KMT2D: variants seen among roughly 807,000 people sequenced by gnomAD.
KMT2D encodes the protein lysine methyltransferase 2D.
A neutral mutation model predicts 512.7 loss-of-function variants in KMT2D; 55 were observed. The ratio of observed to expected loss-of-function variants is 0.11; its 90% CI spans 0.09 to 0.13. The LOEUF (loss-of-function observed/expected upper bound fraction) is 0.13. KMT2D is among the 10% of genes least tolerant of loss of function. The pLI is 1.00. For synonymous variants in KMT2D, 2,995 were observed against 2,904.0 expected (o/e 1.03, Z -1.01); for missense variants, 6,061 against 7,127.9 (o/e 0.85, Z 5.39).
rs833817 is a variant in KMT2D at position 49,027,396 on chromosome 12, G to C, written c.14644-74C>G. ...GCTCCCTCCTTCCCCTCACCCATAT[G>C]CCACCCTCCCAAAAGGCCTCCACAT... On this transcript the variant is annotated intron_variant, in intron 48 of 54. Transcript: ENST00000301067. 1,237,710 of 1,243,416 alleles carry C rather than the reference G, an allele frequency of 1. 616,188 individuals carry two copies. Among genetic ancestry groups the C allele is most frequent in the East Asian group, 1 (40,652 of 40,652 alleles). The allele number at this position is 1,243,416 out of a possible 1,614,324, so 77.0% of individuals were successfully genotyped here.
rs2120714615 is a variant in KMT2D, at chr12:49,054,797, C to T, written c.177-46G>A. ...GTACCACGCCAGGCCCCCAGCAACC[C>T]CATGATCTGGCATGCCCATGCTTCC... On this transcript the variant is annotated intron_variant, in intron 3 of 54. Coordinates refer to ENST00000301067, the MANE Select transcript of KMT2D (RefSeq NM_003482.4). This position sits in a 1 kb window ranked among gnomAD's most constrained non-coding sequence, Gnocchi z 6.4. The T allele has an allele frequency of 6.2e-7, 1 of 1,606,614 alleles. No homozygotes were observed.
At chr12:49,047,865 C>T (rs1012646667) in intron 15 of KMT2D, 100 bp downstream of exon 15, 4 of 807,154 alleles carry the variant, frequency 5.0e-6, no homozygotes, top group Non-Finnish European at 8.5e-6. Flanking sequence ...CAACCATGAC[C>T]GATGGCCGCT....
Position 49,051,020 on chromosome 12 carries a change from T to A in KMT2D, c.2663A>T (p.Glu888Val). 1.9e-6 allele frequency: 3 copies of A among 1,563,026 alleles called. No individual in the cohort carries two copies. In the East Asian group the frequency reaches 6.8e-5, roughly 35 times the overall value. Residue 888 changes from glutamate to valine, a missense_variant, in exon 11 of 55, where the codon GAA (glutamate) becomes GTA (valine). Around this residue, in one of 16 missense-constraint regions of KMT2D, gnomAD observed 848 missense variants for 838.5 expected, o/e 1.01. Transcript: ENST00000301067. ...EELPLFPPPG[E>V]PSLSPLLGEP... ...TCCAAGCAAGGGAGATAAGGATGGT[T>A]CCCCAGGGGGAGGGAACAAGGGCAG...
Position 49,051,341 on chromosome 12 carries a change from G to T in KMT2D, c.2342C>A (p.Ala781Asp), listed in dbSNP as rs1309638971. Residue 781 changes from alanine to aspartate, a missense_variant, in exon 11 of 55, where the codon GCT (alanine) becomes GAT (aspartate). Ala to Asp is a moderately radical substitution (Grantham distance 126). Around this residue, in one of 16 missense-constraint regions of KMT2D, gnomAD observed 848 missense variants for 838.5 expected, o/e 1.01. Transcript: ENST00000301067. ...GGACAAGTGTGGCTCCTCAGGCACAGCGCATAGGCATGGCTCCTCAGGCTG... is the reference window on the plus strand; with the variant it reads ...GGACAAGTGTGGCTCCTCAGGCACATCGCATAGGCATGGCTCCTCAGGCTG... ...SPQPEEPCLC[A>D]VPEEPHLSPQ... 6.2e-7 allele frequency: 1 copy of T among 1,605,832 alleles called. No individual in the cohort carries two copies. Among genetic ancestry groups the T allele is most frequent in the Non-Finnish European group, 8.5e-7 (1 of 1,174,842 alleles).
intron 38 of KMT2D, 24 bp from the exon 39 acceptor site, chr12:49,034,323 G>C (rs775549467): frequency 8.1e-6 from 13 of 1,610,954 alleles, no homozygotes; most frequent in Non-Finnish European, 1.1e-5. Flanking sequence ...CTGGGTGTCA[G>C]GACCTGCAAA....
In KMT2D at chr12:49,033,305, G is replaced by A. The variant is rs1943048098; in HGVS notation, c.11400C>T (p.Gly3800=). The A allele has an allele frequency of 5.7e-6, 9 of 1,589,956 alleles. No individual in the cohort carries two copies. In the East Asian group the frequency reaches 1.6e-4, roughly 28 times the overall value. ...CAGCCACCTGGGCAGGGCCCAGCATGCCCTGGGGCCCCTGGGGTGGTTGAG... is the reference window on the plus strand; with the variant it reads ...CAGCCACCTGGGCAGGGCCCAGCATACCCTGGGGCCCCTGGGGTGGTTGAG... ...LSPQPPQGPQ[G]MLGPAQVAVL... is the part of the protein sequence containing the mutation. The change falls in exon 40 of 55, where the codon GGC becomes GGT. Residue 3800 remains glycine, a synonymous_variant. Transcript: ENST00000301067.
chr12:49,049,888 C>G lies in KMT2D; in HGVS notation c.3700G>C (p.Gly1234Arg), dbSNP rs773320492. The G allele has an allele frequency of 9.9e-6, 16 of 1,613,932 alleles. No individual in the cohort carries two copies. The East Asian group carries it at 1.1e-4, about 11-fold the overall frequency. The change falls in exon 12 of 55, where the codon GGG (glycine) becomes CGG (arginine). Residue 1234 changes from glycine (G) to arginine (R), a missense_variant. This residue lies in a region of KMT2D where 447 missense variants were observed against 500.1 expected (regional missense o/e 0.89). Coordinates refer to ENST00000301067, the MANE Select transcript of KMT2D (RefSeq NM_003482.4). The part of the protein sequence containing the change: ...EPLLGSPDPE[G>R]GGSLSMELGV... ...AACTCCATGGACAGGGAGCCACCCC[C>G]CTCCGGGTCTGGAGAGCCCAGGAGG... is the stretch of plus-strand genomic sequence containing the variant.
rs961644561 is a variant in KMT2D at position 49,044,124 on chromosome 12, A to G, written c.5188+76T>C. ...GTCTACCACCCTCTTGGCCCTTTCA[A>G]TGAGTCCACCCCCTGGGTCTCTCTA... On this transcript the variant is annotated intron_variant, in intron 22 of 54. Transcript: ENST00000301067. This position sits in a 1 kb window ranked among gnomAD's most constrained non-coding sequence, Gnocchi z 6.4. 5.0e-6 allele frequency: 8 copies of G among 1,585,386 alleles called. No homozygotes were observed. The East Asian group carries it at 1.3e-4, about 27-fold the overall frequency.
chr12:49,058,119 C>T (rs1938519653), intron 1 of KMT2D, among the ~76,000 whole-genome samples: 1 of 152,204 alleles, frequency 6.6e-6, no homozygotes, highest in African/African-American at 2.4e-5. Context: ...TGGACTCAAA[C>T]CACACCTCTT....
chr12:49,053,783 A>G, intron 6 of KMT2D, 142 bp from the exon 7 acceptor site: 1 of 1,142,146 alleles, frequency 8.8e-7, no homozygotes, highest in Non-Finnish European at 1.2e-6. Context: ...TCTGCCAGCT[A>G]CTGTTCTAGG....
Position 49,024,528 on chromosome 12 carries a change from CCT to C in KMT2D, c.16052+48_16052+49del, listed in dbSNP as rs1410294010. ...ATCCTCATAATGGGACCAGAGGATC[CCT>C]GTCAACACCCACACCCACATCCCTT... On this transcript the variant is annotated intron_variant, in intron 51 of 54. Coordinates refer to ENST00000301067, the MANE Select transcript of KMT2D (RefSeq NM_003482.4). This position sits in a 1 kb window ranked among gnomAD's most constrained non-coding sequence, Gnocchi z 4.5. The C allele has an allele frequency of 6.4e-7, 1 of 1,552,726 alleles. No individual in the cohort carries two copies. Among genetic ancestry groups the C allele is most frequent in the African/African-American group, 1.4e-5 (1 of 72,928 alleles).
intron 35 of KMT2D, chr12:49,035,431 T>TG: frequency 6.5e-6 from 1 of 153,000 alleles, no homozygotes; most frequent in East Asian, 1.9e-4. Flanking sequence ...CTCTCCTGTC[T>TG]GTCTAGAATG....
At position 49,028,027 on chromosome 12, in the gene KMT2D, C is replaced by A. The variant is rs534899657; in HGVS notation, c.14497G>T (p.Gly4833Trp). ...CACTCACCAGGACCCTCAGCTTCCC[C>A]CTTCTTTGGCTCAGTGCCTGCCCGG... Reference protein sequence around the residue: ...PARAGTEPKKGEAEGPGGKEK... With the variant: ...PARAGTEPKKWEAEGPGGKEK... The change falls in exon 47 of 55, where the codon GGG (glycine) becomes TGG (tryptophan). Residue 4833 changes from glycine (G) to tryptophan (W), a missense_variant. Around this residue, in one of 16 missense-constraint regions of KMT2D, gnomAD observed 1,600 missense variants for 1,754.9 expected, o/e 0.91. Transcript: ENST00000301067. The A allele has an allele frequency of 6.2e-7, 1 of 1,613,318 alleles. No individual in the cohort carries two copies.
At position 49,038,459 on chromosome 12, in the gene KMT2D, C is replaced by T. The variant is rs766773845; in HGVS notation, c.8897G>A (p.Arg2966Gln). The T allele has an allele frequency of 8.1e-6, 13 of 1,608,384 alleles. No individual in the cohort carries two copies. The highest frequency in any genetic ancestry group is 6.7e-5 in the Admixed American group (4 of 59,752). The change falls in exon 35 of 55, where the codon CGG becomes CAG. Residue 2966 changes from arginine to glutamine, a missense_variant. By Grantham distance (43) the Arg-to-Gln change is conservative. Coordinates refer to ENST00000301067, the MANE Select transcript of KMT2D (RefSeq NM_003482.4). This position sits in a 1 kb window ranked among gnomAD's most constrained non-coding sequence, Gnocchi z 5.7. The stretch of plus-strand genomic sequence containing the variant: ...GCCAAGCTCAGTGCTCGACGGGGGC[C>T]GGTTGACCAGCTCCAAACCAGTTGG... Reference protein sequence around the residue: ...TLPTGLELVNRPPSSTELGRP... With the variant: ...TLPTGLELVNQPPSSTELGRP...
At position 49,028,978 on chromosome 12, in the gene KMT2D, T is replaced by C. The variant is rs777653986; in HGVS notation, c.14252-20A>G. The stretch of plus-strand genomic sequence containing the variant: ...GGAAGACTGAATGAGAAAGAGGAAT[T>C]TGTGTAACACTTGGCCGCCTCTCCC... On this transcript the variant is annotated intron_variant, in intron 45 of 54. Coordinates refer to ENST00000301067, the MANE Select transcript of KMT2D (RefSeq NM_003482.4). 29 of 1,613,110 alleles carry C rather than the reference T, an allele frequency of 1.8e-5. No homozygotes were observed. Among genetic ancestry groups the C allele is most frequent in the Admixed American group, 1.7e-4 (10 of 59,958 alleles).
intron 1 of KMT2D, 88 bp from the exon 2 acceptor site, chr12:49,055,449 C>T (rs948153515): frequency 2.6e-6 from 2 of 763,862 alleles, no homozygotes; most frequent in East Asian, 2.6e-5. Flanking sequence ...GGCATCCAGA[C>T]CCTCCAGACA....
In KMT2D at chr12:49,038,564, G is replaced by T. The variant is rs1296692918; in HGVS notation, c.8792C>A (p.Pro2931Gln). ...GGCCGGTGGGGCTGAGGGTTTCTGT[G>T]GGGGAAGACCTGATACCGCCAGGCC... is the stretch of plus-strand genomic sequence containing the variant. Reference protein sequence around the residue: ...LRGLAVSGLPPQKPSAPPAPE... With the variant: ...LRGLAVSGLPQQKPSAPPAPE... Residue 2931 changes from proline (P) to glutamine (Q), a missense_variant, in exon 35 of 55, where the codon CCA becomes CAA. Pro to Gln is a moderately conservative substitution (Grantham distance 76). This residue lies in a region of KMT2D where 527 missense variants were observed against 578.9 expected (regional missense o/e 0.91). Transcript: ENST00000301067. The surrounding 1 kb of genome is among the most constrained non-coding windows in gnomAD (Gnocchi z 5.7). The T allele has an allele frequency of 6.2e-7, 1 of 1,612,178 alleles. No homozygotes were observed. The highest frequency in any genetic ancestry group is 1.1e-5 in the South Asian group (1 of 91,076).
In KMT2D at chr12:49,032,729, C is replaced by T. The variant is rs1446783450; in HGVS notation, c.11976G>A (p.Gln3992=). 2 of 1,604,664 alleles carry T rather than the reference C, an allele frequency of 1.2e-6. No individual in the cohort carries two copies. Among genetic ancestry groups the T allele is most frequent in the Admixed American group, 3.4e-5 (2 of 58,126 alleles). ...RTLLSPQQQQ[Q]QQVALGPGMP... ...TGCCAGGGCCAAGTGCCACTTGCTGCTGCTGTTGTTGCTGAGGAGACAGTA... is the reference window on the plus strand; with the variant it reads ...TGCCAGGGCCAAGTGCCACTTGCTGTTGCTGTTGTTGCTGAGGAGACAGTA... Residue 3992 remains glutamine, a synonymous_variant, in exon 40 of 55, where the codon CAG becomes CAA. Coordinates refer to ENST00000301067, the MANE Select transcript of KMT2D (RefSeq NM_003482.4).
In KMT2D at chr12:49,053,584, C is replaced by T. The variant is rs1192942787; in HGVS notation, c.731G>A (p.Cys244Tyr). The T allele has an allele frequency of 6.3e-7, 1 of 1,598,812 alleles. No homozygotes were observed. The highest frequency in any genetic ancestry group is 8.5e-7 in the Non-Finnish European group (1 of 1,172,932). The change falls in exon 7 of 55, where the codon TGT (cysteine) becomes TAT (tyrosine). Residue 244 changes from cysteine (C) to tyrosine (Y), a missense_variant. Cys to Tyr is a radical substitution (Grantham distance 194). Transcript: ENST00000301067. ...GTGATAGTGATGCCCACAGCTGGTACAGAAGAACAGGTCACACAACTCCCC... is the reference window on the plus strand; with the variant it reads ...GTGATAGTGATGCCCACAGCTGGTATAGAAGAACAGGTCACACAACTCCCC... ...GPGELCDLFF[C>Y]TSCGHHYHGA...
Sources: gnomAD v4.1 joint callset for allele counts (sites outside exome capture counted in the v4.1 genomes callset) on GRCh38, gnomAD v4.1.1 for gene constraint, gnomAD v4.1.1 regional missense constraint, Gnocchi (gnomAD v3.1) non-coding constraint, MANE v1.5 for transcripts, NCBI Gene and HGNC (gene_info 2026-07-23, HGNC 2026-07-21) for gene names.